The following NEGR1 variants were observed in gnomAD, a reference collection of about 807,000 sequenced individuals.
The protein encoded by NEGR1 is neuronal growth regulator 1.
NEGR1 carries 10 observed loss-of-function variants against 40.9 expected under a neutral mutation model. That is an observed-to-expected ratio of 0.24 (90% CI 0.15 to 0.42). The LOEUF is 0.42. Among genes scored for constraint, NEGR1 ranks in the 10% least tolerant of loss-of-function variants. The probability of loss-of-function intolerance (pLI) is 1.00; values close to 1 mark genes in which losing one functional copy is unlikely to be tolerated. For missense variants in NEGR1, 352 were observed against 438.9 expected, an observed-to-expected ratio of 0.80 and a Z score of 1.77; for synonymous variants, 185 against 166.8, an observed-to-expected ratio of 1.11 and a Z score of -0.84.
At chr1:71,566,917 A>G (rs1648639671) in intron 6 of NEGR1, among the ~76,000 whole-genome samples, 1 of 152,158 alleles carries the variant, frequency 6.6e-6, no homozygotes, top group Non-Finnish European at 1.5e-5. Context: ...GAAAGGGGCA[A>G]ACAAGCTCCC....
intron 6 of NEGR1, among the ~76,000 whole-genome samples, chr1:71,446,665 C>G (rs1646584497): frequency 6.6e-6 from 1 of 152,076 alleles, no homozygotes; most frequent in African/African-American, 2.4e-5. Flanking sequence ...TACTCATATT[C>G]TTTTACTTCA....
intron 2 of NEGR1, among the ~76,000 whole-genome samples, chr1:71,913,875 G>A (rs1035514524): frequency 1.7e-4 from 25 of 149,668 alleles, no homozygotes; most frequent in South Asian, 2.1e-4. Context: ...AAAAAACAGT[G>A]ATAACTAAGT....
chr1:71,439,210 G>A (rs1285283036), intron 6 of NEGR1, among the ~76,000 whole-genome samples: 4 of 152,084 alleles, frequency 2.6e-5, no homozygotes, highest in African/African-American at 9.7e-5. Context: ...TCTGAATAGA[G>A]CTCTGTATAT....
intron 6 of NEGR1, among the ~76,000 whole-genome samples, chr1:71,511,646 A>T (rs1372372592): frequency 6.6e-6 from 1 of 152,198 alleles, no homozygotes; most frequent in Non-Finnish European, 1.5e-5. Flanking sequence ...ATGTTGTGAA[A>T]TGAATCATCT....
intron 3 of NEGR1, among the ~76,000 whole-genome samples, chr1:71,723,734 A>C (rs936783572): frequency 6.6e-6 from 1 of 152,146 alleles, no homozygotes; most frequent in Non-Finnish European, 1.5e-5. Context: ...CCTCTCCAGG[A>C]AATTACAGAA....
chr1:72,231,079 T>C (rs1654347741), intron 1 of NEGR1, among the ~76,000 whole-genome samples: 1 of 152,154 alleles, frequency 6.6e-6, no homozygotes, highest in African/African-American at 2.4e-5. Context: ...GATAAATGAA[T>C]GCATGAAAGT....
At chr1:72,042,175 C>A (rs1040504893) in intron 1 of NEGR1, among the ~76,000 whole-genome samples, 3 of 151,650 alleles carry the variant, frequency 2.0e-5, no homozygotes, top group Non-Finnish European at 4.4e-5. Flanking sequence ...CTATTTTCTT[C>A]TTCAAACAGC....
intron 3 of NEGR1, among the ~76,000 whole-genome samples, chr1:71,742,787 G>A (rs887145947): frequency 6.6e-6 from 1 of 152,138 alleles, no homozygotes; most frequent in Non-Finnish European, 1.5e-5. Context: ...AACACATCAA[G>A]ACTTGGTTAT....
intron 1 of NEGR1, among the ~76,000 whole-genome samples, chr1:72,260,739 T>C (rs1247054523): frequency 6.6e-6 from 1 of 152,074 alleles, no homozygotes; most frequent in Non-Finnish European, 1.5e-5. Flanking sequence ...TGAATCCCAG[T>C]TGAAATTCAA....
chr1:72,248,093 G>A (rs549092472), intron 1 of NEGR1, among the ~76,000 whole-genome samples: 1 of 152,166 alleles, frequency 6.6e-6, no homozygotes, highest in Admixed American at 6.5e-5. Context: ...AAGCCATGAG[G>A]GATCCGCCTG....
intron 2 of NEGR1, among the ~76,000 whole-genome samples, chr1:71,819,738 A>G (rs1658357882): frequency 6.6e-6 from 1 of 152,032 alleles, no homozygotes; most frequent in African/African-American, 2.4e-5. Context: ...AAGGGGGGAT[A>G]AAAAAGAAAA....
intron 6 of NEGR1, among the ~76,000 whole-genome samples, chr1:71,527,337 C>T (rs992566571): frequency 6.6e-6 from 1 of 151,258 alleles, no homozygotes; most frequent in Non-Finnish European, 1.5e-5. Flanking sequence ...AAAGCTCTAC[C>T]TCTATGAACC....
intron 1 of NEGR1, chr1:72,274,863 T>C: frequency 1.9e-6 from 3 of 1,592,464 alleles, no homozygotes; most frequent in South Asian, 2.2e-5. Flanking sequence ...AGAACACCAA[T>C]GATGCCAACT....
intron 2 of NEGR1, among the ~76,000 whole-genome samples, chr1:71,777,433 C>A (rs1656551893): frequency 6.6e-6 from 1 of 151,984 alleles, no homozygotes; most frequent in African/African-American, 2.4e-5. Context: ...TTTTCCTATG[C>A]CTTAAAATTG....
In NEGR1 at chr1:72,076,515, C is replaced by T. The variant is rs558656674; in HGVS notation, c.177-141204G>A. On this transcript the variant is annotated intron_variant, in intron 1 of 6. Transcript: ENST00000357731. ...GAAACATTCCCCCCCATCCCCACCC[C>T]CCCTGCCTCACCAACCTCATTCTCA... 5.9e-3 allele frequency among the ~76,000 whole-genome samples: 856 copies of T among 145,162 alleles called. 5 individuals carry two copies. The highest frequency in any genetic ancestry group is 0.02 in the African/African-American group (815 of 40,194).
intron 1 of NEGR1, among the ~76,000 whole-genome samples, chr1:72,160,325 C>T (rs1043609475): frequency 3.3e-5 from 5 of 152,078 alleles, no homozygotes; most frequent in African/African-American, 1.2e-4. Flanking sequence ...CCCTAAAGTG[C>T]CCAGGTGGGA....
intron 3 of NEGR1, among the ~76,000 whole-genome samples, chr1:71,721,203 T>C (rs920509849): frequency 1.3e-5 from 2 of 152,064 alleles, no homozygotes; most frequent in African/African-American, 4.8e-5. Flanking sequence ...ATTTACACCA[T>C]TTTTTTCTTT....
intron 2 of NEGR1, among the ~76,000 whole-genome samples, chr1:71,806,450 A>C (rs1657774689): frequency 6.6e-6 from 1 of 151,938 alleles, no homozygotes; most frequent in Non-Finnish European, 1.5e-5. Flanking sequence ...TATAAAAAGT[A>C]AGAAATAATT....
intron 4 of NEGR1, among the ~76,000 whole-genome samples, chr1:71,694,093 T>A (rs1169271317): frequency 1.3e-5 from 2 of 151,712 alleles, no homozygotes; most frequent in Non-Finnish European, 3.0e-5. Flanking sequence ...CATTCATTCT[T>A]TCATTTTGTA....
Sources: gnomAD v4.1 joint callset for allele counts (sites outside exome capture counted in the v4.1 genomes callset) on GRCh38, gnomAD v4.1.1 for gene constraint, MANE v1.5 for transcripts, NCBI Gene and HGNC (gene_info 2026-07-23, HGNC 2026-07-21) for gene names.